FAH: variants seen among roughly 807,000 people sequenced by gnomAD.
FAH encodes the protein fumarylacetoacetase.
FAH carries 47 observed loss-of-function variants against 55.8 expected under a neutral mutation model. That is an observed-to-expected ratio of 0.84 (90% CI 0.67 to 1.07). The LOEUF (loss-of-function observed/expected upper bound fraction) is 1.07, where lower values mean the gene tolerates loss of function less well. Ranked by LOEUF, FAH falls within the 50% of genes least tolerant of loss-of-function variation. The pLI, the probability that FAH is intolerant of heterozygous loss-of-function variation, is 0.00. For synonymous variants in FAH, 199 were observed against 207.7 expected (o/e 0.96, Z 0.36); for missense variants, 495 against 545.9 (o/e 0.91, Z 0.93).
chr15:80,158,221 GATGCCAACAAGAGAATGC>G lies in FAH; in HGVS notation c.192+52_192+69del, dbSNP rs779233660. ...CCTGACCTCAGTGGCACTTACTGTG[GATGCCAACAAGAGAATGC>G]TCCTTGCGTTCCATTTCCGATAGAG... On this transcript the variant is annotated intron_variant, in intron 2 of 13. Coordinates refer to ENST00000561421, the MANE Select transcript of FAH (RefSeq NM_000137.4). 8 of 1,239,324 alleles carry G rather than the reference GATGCCAACAAGAGAATGC, an allele frequency of 6.5e-6. No homozygotes were observed. The South Asian group carries it at 9.6e-5, about 15-fold the overall frequency. The allele number at this position is 1,239,324 out of a possible 1,614,324, so 76.8% of individuals were successfully genotyped here.
chr15:80,170,361 T>G (rs1375192073), intron 7 of FAH, among the ~76,000 whole-genome samples: 1 of 152,144 alleles, frequency 6.6e-6, no homozygotes, highest in African/African-American at 2.4e-5. Context: ...TGGGAAGCCC[T>G]GGTTGGTGGA....
At chr15:80,179,272 T>C (rs1449770865) in intron 11 of FAH, among the ~76,000 whole-genome samples, 7 of 152,250 alleles carry the variant, frequency 4.6e-5, no homozygotes, top group African/African-American at 7.2e-5. Context: ...ATGTTAGTCA[T>C]ATGTTTATGG....
intron 9 of FAH, chr15:80,173,703 T>C (rs2041259847): frequency 4.6e-6 from 1 of 217,716 alleles, no homozygotes; most frequent in South Asian, 7.2e-5. Flanking sequence ...TGTGACCCGA[T>C]AGTCAGTGTC....
At chr15:80,180,049 G>T in intron 11 of FAH, 75 bp from the exon 12 acceptor site, 2 of 1,133,628 alleles carry the variant, frequency 1.8e-6, no homozygotes, top group Non-Finnish European at 2.6e-6. Flanking sequence ...AGCAGGGCAG[G>T]CTGTGCCCAG....
intron 13 of FAH, among the ~76,000 whole-genome samples, chr15:80,184,677 C>T (rs2041355839): frequency 6.6e-6 from 1 of 152,102 alleles, no homozygotes; most frequent in Non-Finnish European, 1.5e-5. Flanking sequence ...GAGGTCGTTG[C>T]TCTCGACAAA....
intron 3 of FAH, 171 bp downstream of exon 3, chr15:80,160,048 A>G (rs2041135383): frequency 2.1e-6 from 2 of 943,060 alleles, no homozygotes; most frequent in Admixed American, 4.4e-5. Flanking sequence ...GGGCTTTGGG[A>G]GGACTGGGAT....
At chr15:80,172,126 TA>T in intron 7 of FAH, 22 bp from the exon 8 acceptor site, 1 of 1,571,298 alleles carries the variant, frequency 6.4e-7, no homozygotes, top group Non-Finnish European at 8.8e-7. Flanking sequence ...CTCCAGATTC[TA>T]ATGAACTCTC....
At chr15:80,173,340 G>C in intron 9 of FAH, 196 bp downstream of exon 9, 3 of 710,556 alleles carry the variant, frequency 4.2e-6, no homozygotes, top group Non-Finnish European at 7.4e-6. Flanking sequence ...CTCCCTTGTG[G>C]TTTCCCTGGC....
At chr15:80,172,347 G>T in intron 8 of FAH, 99 bp downstream of exon 8, 1 of 885,546 alleles carries the variant, frequency 1.1e-6, no homozygotes. Flanking sequence ...GGTCAAAAGT[G>T]GCAGGTGATG....
chr15:80,175,328 C>T (rs533501929), intron 10 of FAH, among the ~76,000 whole-genome samples: 1 of 152,146 alleles, frequency 6.6e-6, no homozygotes, highest in African/African-American at 2.4e-5. Context: ...AGTGGTAGGG[C>T]TGAAAGGATG....
chr15:80,180,171 C>T lies in FAH; in HGVS notation c.1008C>T (p.Asn336=), dbSNP rs373285527. 6.3e-5 allele frequency: 102 copies of T among 1,610,758 alleles called. No homozygotes were observed. The highest frequency in any genetic ancestry group is 2.1e-4 in the South Asian group (19 of 91,078). The change falls in exon 12 of 14, where the codon AAC becomes AAT. Residue 336 remains asparagine (N), a synonymous_variant. Coordinates refer to ENST00000561421, the MANE Select transcript of FAH (RefSeq NM_000137.4). ...AGCAGCTCACTCACCACTCTGTCAACGGCTGCAACCTGCGGCCGGGGGACC... is the reference window on the plus strand; with the variant it reads ...AGCAGCTCACTCACCACTCTGTCAATGGCTGCAACCTGCGGCCGGGGGACC... ...MLQQLTHHSV[N]GCNLRPGDLL...
At chr15:80,168,389 C>T in intron 7 of FAH, 73 bp downstream of exon 7, 2 of 1,506,876 alleles carry the variant, frequency 1.3e-6, no homozygotes, top group Non-Finnish European at 1.8e-6. Context: ...GGATGGCTCC[C>T]CGCACCATGA....
intron 11 of FAH, 53 bp from the exon 12 acceptor site, chr15:80,180,071 A>C: frequency 7.2e-6 from 9 of 1,245,420 alleles, no homozygotes; most frequent in East Asian, 2.4e-5. Context: ...TGCCTCCGGG[A>C]TGCTAGGCTA....
chr15:80,176,244 A>G (rs6495477), intron 10 of FAH, among the ~76,000 whole-genome samples: 77,708 of 151,786 alleles, frequency 0.51, 21,019 homozygotes, highest in East Asian at 0.77. Context: ...TTGAACTCCT[A>G]ACCTTAGGTG....
At chr15:80,154,063 T>G (rs2041077834) in intron 1 of FAH, among the ~76,000 whole-genome samples, 1 of 152,188 alleles carries the variant, frequency 6.6e-6, no homozygotes, top group Admixed American at 6.5e-5. Flanking sequence ...CTGTCTGCGG[T>G]AAGTGCTTTG....
intron 1 of FAH, among the ~76,000 whole-genome samples, chr15:80,154,571 G>T (rs2142088052): frequency 6.6e-6 from 1 of 152,316 alleles, no homozygotes; most frequent in Non-Finnish European, 1.5e-5. Flanking sequence ...AGCTTTCTCT[G>T]CAGGCATTGG....
At position 80,168,032 on chromosome 15, in the gene FAH, C is replaced by T. The variant is rs75021564; in HGVS notation, c.456-20C>T. The T allele has an allele frequency of 1.1e-3, 1,786 of 1,602,394 alleles. 36 individuals carry two copies. The East Asian group carries it at 0.036, about 32-fold the overall frequency. On this transcript the variant is annotated intron_variant, in intron 5 of 13. Transcript: ENST00000561421. The stretch of plus-strand genomic sequence containing the variant: ...TATAACAGCTCTGATGCCCTGCATT[C>T]TCTTGCCTTCCTTTCTCAGGCTGCA...
intron 7 of FAH, among the ~76,000 whole-genome samples, chr15:80,170,967 G>A (rs1160452720): frequency 1.3e-5 from 2 of 152,160 alleles, no homozygotes; most frequent in Non-Finnish European, 2.9e-5. Flanking sequence ...GTAGTGGGAT[G>A]ACAGATAGGG....
intron 5 of FAH, among the ~76,000 whole-genome samples, chr15:80,164,487 G>A (rs542768105): frequency 2.6e-5 from 4 of 152,152 alleles, no homozygotes; most frequent in African/African-American, 7.2e-5. Flanking sequence ...AGGCTCCAGG[G>A]ATTAGGATCT....
Sources: gnomAD v4.1 joint callset for allele counts (sites outside exome capture counted in the v4.1 genomes callset) on GRCh38, gnomAD v4.1.1 for gene constraint, MANE v1.5 for transcripts, NCBI Gene and HGNC (gene_info 2026-07-23, HGNC 2026-07-21) for gene names.